NRXN3: variants seen among roughly 807,000 people sequenced by gnomAD.
NRXN3 encodes neurexin 3.
Under a neutral mutation model 137.6 loss-of-function variants are expected in NRXN3, and 32 were observed. That is an observed-to-expected ratio of 0.23 (90% confidence interval 0.18 to 0.31). NRXN3 has a LOEUF of 0.31. Ranked by LOEUF, NRXN3 falls within the 10% of genes least tolerant of loss-of-function variation. The pLI, the probability that NRXN3 is intolerant of heterozygous loss-of-function variation, is 1.00. For missense variants in NRXN3, 1,574 were observed against 2,062.5 expected (o/e 0.76, Z 4.59); for synonymous variants, 798 against 784.5 (o/e 1.02, Z -0.29).
chr14:79,188,036 A>G lies in NRXN3; in HGVS notation c.3262+199895A>G, dbSNP rs558433121. On this transcript the variant is annotated intron_variant, in intron 15 of 20. Transcript: ENST00000335750. ...TTTACATTTTTACCATAAGAGGTCAACTAGAGTTTCTATCTTGTTACAAGT... is the reference window on the plus strand; with the variant it reads ...TTTACATTTTTACCATAAGAGGTCAGCTAGAGTTTCTATCTTGTTACAAGT... Among the ~76,000 whole-genome samples the G allele has an allele frequency of 1.5e-4, 23 of 152,374 alleles. No homozygotes were observed. The South Asian group carries it at 2.1e-3, about 14-fold the overall frequency.
intron 15 of NRXN3, among the ~76,000 whole-genome samples, chr14:79,111,673 C>T (rs1179417635): frequency 4.7e-5 from 7 of 149,762 alleles, no homozygotes; most frequent in South Asian, 2.1e-4. Context: ...GGGAGGTGGA[C>T]GTTGCAGTGA....
intron 15 of NRXN3, among the ~76,000 whole-genome samples, chr14:79,453,888 A>G (rs968618469): frequency 2.0e-5 from 3 of 151,998 alleles, no homozygotes; most frequent in African/African-American, 7.3e-5. Context: ...CACTGATCCA[A>G]TTCCAATTTT....
chr14:78,557,493 C>T (rs2096749966), intron 4 of NRXN3, among the ~76,000 whole-genome samples: 1 of 152,150 alleles, frequency 6.6e-6, no homozygotes, highest in African/African-American at 2.4e-5. Context: ...CTGCTCTGAA[C>T]TTTAGTGTGT....
intron 17 of NRXN3, among the ~76,000 whole-genome samples, chr14:79,691,072 G>C (rs2098714779): frequency 6.6e-6 from 1 of 151,986 alleles, no homozygotes; most frequent in South Asian, 2.1e-4. Context: ...AGATAGAACA[G>C]TTCCCAAGGC....
intron 15 of NRXN3, among the ~76,000 whole-genome samples, chr14:79,428,088 C>T (rs1466565070): frequency 6.6e-6 from 1 of 152,012 alleles, no homozygotes; most frequent in Non-Finnish European, 1.5e-5. Flanking sequence ...ACTGGGAGTA[C>T]CTGACTCTGA....
At chr14:78,211,726 A>G (rs1478943076) in intron 1 of NRXN3, among the ~76,000 whole-genome samples, 2 of 152,178 alleles carry the variant, frequency 1.3e-5, no homozygotes, top group African/African-American at 2.4e-5. Flanking sequence ...GCTTCCTGAC[A>G]TTTGTTTATT....
At chr14:78,912,371 T>C (rs957684457) in intron 10 of NRXN3, among the ~76,000 whole-genome samples, 5 of 151,572 alleles carry the variant, frequency 3.3e-5, no homozygotes, top group Non-Finnish European at 5.9e-5. Context: ...CAGTTCTTAC[T>C]GTCAGTTAGA....
chr14:79,115,044 G>A (rs1234518904), intron 15 of NRXN3, among the ~76,000 whole-genome samples: 1 of 152,050 alleles, frequency 6.6e-6, no homozygotes, highest in East Asian at 1.9e-4. Context: ...GCGCAAACTA[G>A]GCCAGGCACG....
chr14:78,701,328 AG>A (rs1409059344), intron 6 of NRXN3, among the ~76,000 whole-genome samples: 3 of 152,204 alleles, frequency 2.0e-5, no homozygotes, highest in Non-Finnish European at 2.9e-5. Flanking sequence ...TACTTGTTAA[AG>A]CCTACGCTTA....
At chr14:79,504,639 T>TATATA (rs60009832) in intron 16 of NRXN3, among the ~76,000 whole-genome samples, 2,699 of 93,084 alleles carry the variant, frequency 0.029, 175 homozygotes, top group South Asian at 0.044. Context: ...AAATGAAGTT[T>TATATA]TTTATATATA....
At chr14:78,967,746 G>C (rs530726785) in intron 13 of NRXN3, among the ~76,000 whole-genome samples, 4 of 152,220 alleles carry the variant, frequency 2.6e-5, no homozygotes, top group South Asian at 2.1e-4. Flanking sequence ...TCAGTAAACT[G>C]TCTTAGCCTT....
intron 4 of NRXN3, among the ~76,000 whole-genome samples, chr14:78,311,217 T>C (rs1030916126): frequency 3.3e-5 from 5 of 152,180 alleles, no homozygotes; most frequent in Non-Finnish European, 5.9e-5. Context: ...TATCTGATTT[T>C]GTTCGTCTTG....
At chr14:79,860,685 C>G (rs967158851) in intron 20 of NRXN3, among the ~76,000 whole-genome samples, 1 of 152,156 alleles carries the variant, frequency 6.6e-6, no homozygotes, top group East Asian at 1.9e-4. Context: ...ACAATGTGTG[C>G]GTGTACCCAC....
chr14:78,686,245 T>C (rs956026063), intron 6 of NRXN3, among the ~76,000 whole-genome samples: 22 of 152,260 alleles, frequency 1.4e-4, no homozygotes, highest in African/African-American at 4.8e-4. Flanking sequence ...TTTATTTGCC[T>C]AATGAGTGGA....
intron 4 of NRXN3, among the ~76,000 whole-genome samples, chr14:78,303,651 A>G (rs1314469321): frequency 1.3e-5 from 2 of 151,940 alleles, no homozygotes; most frequent in African/African-American, 2.4e-5. Context: ...CCCATCTCCA[A>G]AAGTCCCAAA....
chr14:79,067,792 T>A (rs998489512), intron 15 of NRXN3, among the ~76,000 whole-genome samples: 1 of 152,084 alleles, frequency 6.6e-6, no homozygotes, highest in Non-Finnish European at 1.5e-5. Flanking sequence ...AAGTTCACAA[T>A]GTCTAACTGT....
intron 8 of NRXN3, among the ~76,000 whole-genome samples, chr14:78,775,278 G>A (rs1353218481): frequency 6.6e-6 from 1 of 152,130 alleles, no homozygotes; most frequent in South Asian, 2.1e-4. Flanking sequence ...TAGTTTAGTA[G>A]AAGGCCTCAG....
chr14:79,300,057 A>G (rs2084877668), intron 15 of NRXN3, among the ~76,000 whole-genome samples: 1 of 152,064 alleles, frequency 6.6e-6, no homozygotes, highest in African/African-American at 2.4e-5. Flanking sequence ...GTGGAAAGCG[A>G]CAAGTATCAA....
intron 15 of NRXN3, among the ~76,000 whole-genome samples, chr14:79,156,172 C>G (rs1437738413): frequency 2.6e-5 from 4 of 151,800 alleles, no homozygotes; most frequent in Non-Finnish European, 4.4e-5. Context: ...TCTACTTCAA[C>G]CCTCACAACT....
Sources: allele counts gnomAD v4.1 joint callset (sites outside exome capture counted in the v4.1 genomes callset), GRCh38; gene constraint gnomAD v4.1.1; transcripts MANE v1.5; gene names NCBI Gene and HGNC (gene_info 2026-07-23, HGNC 2026-07-21).